Variants in EFNA2 observed in about 807,000 individuals in gnomAD.
EFNA2 encodes ephrin-A2.
EFNA2 carries 18 observed loss-of-function variants against 19.7 expected under a neutral mutation model. The observed-to-expected ratio is 0.91, with a 90% CI of 0.63 to 1.35. EFNA2 has a LOEUF of 1.35. EFNA2 is among the 40% of genes most tolerant of loss of function. The pLI is 0.00. For synonymous variants in EFNA2, 187 were observed against 137.8 expected (o/e 1.36, Z -2.50); for missense variants, 303 against 296.0 (o/e 1.02, Z -0.17).
chr19:1,289,421 A>G (rs1463106901), intron 1 of EFNA2, among the ~76,000 whole-genome samples: 1 of 152,166 alleles, frequency 6.6e-6, no homozygotes, highest in Non-Finnish European at 1.5e-5. Flanking sequence ...AGGGCCTGCA[A>G]TGTGGGGGCA....
chr19:1,298,173 GAGGCAGAGATTTGAACCC>G (rs1362948117), intron 2 of EFNA2, among the ~76,000 whole-genome samples: 5 of 151,126 alleles, frequency 3.3e-5, no homozygotes, highest in Non-Finnish European at 5.9e-5. Flanking sequence ...CAGGCTCTCA[GAGGCAGAGATTTGAACCC>G]AGGTCAATCA....
intron 1 of EFNA2, among the ~76,000 whole-genome samples, chr19:1,290,203 C>T (rs1457467489): frequency 2.0e-5 from 3 of 152,082 alleles, no homozygotes; most frequent in Non-Finnish European, 4.4e-5. Context: ...GGTTAGTGTC[C>T]CCTCCCCAGA....
rs867764468 is a variant in EFNA2, at chr19:1,296,295, G to A, written c.454+437G>A. Among the ~76,000 whole-genome samples, 1 of 152,160 alleles carries A rather than the reference G, an allele frequency of 6.6e-6. No individual in the cohort carries two copies. The highest frequency in any genetic ancestry group is 2.4e-5 in the African/African-American group (1 of 41,442). On this transcript the variant is annotated intron_variant, in intron 2 of 3. Transcript: ENST00000215368. The surrounding 1 kb of genome is among the most constrained non-coding windows in gnomAD (Gnocchi z 4.4). ...GCCAGTAGACCTGGCTCAGCCCCCC[G>A]ATAGCGAGACCAGGGTGCCCGAGCC...
In EFNA2 at chr19:1,299,882, C is replaced by T. The variant is rs1301985507; in HGVS notation, c.579C>T (p.Ser193=). 18 of 1,604,430 alleles carry T rather than the reference C, an allele frequency of 1.1e-5. No homozygotes were observed. Among genetic ancestry groups the T allele is most frequent in the Non-Finnish European group, 1.5e-5 (18 of 1,178,034 alleles). Residue 193 remains serine, a synonymous_variant, in exon 4 of 4, where the codon AGC becomes AGT. Transcript: ENST00000215368. ...PIFTSNNSCS[S]PGGCRLFLST... Reference sequence around the variant, plus strand: ...TCACCAGCAATAACTCGTGTAGCAGCCCGGGCGGCTGCCGCCTCTTCCTCA... The same window carrying T: ...TCACCAGCAATAACTCGTGTAGCAGTCCGGGCGGCTGCCGCCTCTTCCTCA...
At position 1,287,759 on chromosome 19, in the gene EFNA2, G is replaced by A. The variant is rs369591841; in HGVS notation, c.140+1451G>A. Among the ~76,000 whole-genome samples, 2 of 152,274 alleles carry A rather than the reference G, an allele frequency of 1.3e-5. No homozygotes were observed. The highest frequency in any genetic ancestry group is 6.5e-5 in the Admixed American group (1 of 15,292). ...GGTTTGATTAAGGCTGTCGCTGGCC[G>A]TGCGGGGAGTCCAGCGGGCAGCGCT... On this transcript the variant is annotated intron_variant, in intron 1 of 3. Transcript: ENST00000215368. The surrounding 1 kb of genome is among the most constrained non-coding windows in gnomAD (Gnocchi z 6.2).
chr19:1,290,425 G>A (rs1391874116), intron 1 of EFNA2, among the ~76,000 whole-genome samples: 1 of 152,216 alleles, frequency 6.6e-6, no homozygotes, highest in Non-Finnish European at 1.5e-5. Context: ...GCGGGGGGCC[G>A]TGAACGCAGT....
rs1340157020 is a variant in EFNA2 at position 1,286,534 on chromosome 19, G to A, written c.140+226G>A. Among the ~76,000 whole-genome samples, 2 of 152,072 alleles carry A rather than the reference G, an allele frequency of 1.3e-5. No individual in the cohort carries two copies. Among genetic ancestry groups the A allele is most frequent in the East Asian group, 1.9e-4 (1 of 5,138 alleles). On this transcript the variant is annotated intron_variant, in intron 1 of 3. Transcript: ENST00000215368. This position sits in a 1 kb window ranked among gnomAD's most constrained non-coding sequence, Gnocchi z 5.6. ...CCCCGGGGCGCCCCATTGCCCTACG[G>A]ACTGTGGGGACTCGCGCCCCACATC...
Position 1,295,690 on chromosome 19 carries a change from G to C in EFNA2, c.286G>C (p.Gly96Arg), listed in dbSNP as rs1395923737. Residue 96 changes from glycine to arginine, a missense_variant, in exon 2 of 4, where the codon GGC becomes CGC. Transcript: ENST00000215368. This position sits in a 1 kb window ranked among gnomAD's most constrained non-coding sequence, Gnocchi z 5.8. The stretch of plus-strand genomic sequence containing the variant: ...GCACTACGTGCTGTACATGGTCAAC[G>C]GCGAGGGCCACGCCTCCTGCGACCA... The part of the protein sequence containing the change: ...MEHYVLYMVN[G>R]EGHASCDHRQ... The C allele has an allele frequency of 2.5e-6, 4 of 1,609,108 alleles. No homozygotes were observed. In the African/African-American group the frequency reaches 4.0e-5, roughly 16 times the overall value.
rs2081537351 is a variant in EFNA2, at chr19:1,300,465, C to T, written c.*520C>T. The stretch of plus-strand genomic sequence containing the variant: ...GGGGGAACACAGCCGCTCCCCTCTG[C>T]TCTGCACCCCACTCGTGGGGGAACA... On this transcript the variant is annotated 3_prime_UTR_variant, in exon 4 of 4. Transcript: ENST00000215368. 1.3e-5 allele frequency among the ~76,000 whole-genome samples: 2 copies of T among 149,998 alleles called. No homozygotes were observed. The highest frequency in any genetic ancestry group is 2.1e-4 in the South Asian group (1 of 4,696).
chr19:1,299,014 G>A (rs1231304949), intron 3 of EFNA2, among the ~76,000 whole-genome samples: 1 of 152,172 alleles, frequency 6.6e-6, no homozygotes, highest in Non-Finnish European at 1.5e-5. Flanking sequence ...GAGGCAGGTG[G>A]ATCACCTGAG....
chr19:1,286,306 CA>C lies in EFNA2; in HGVS notation c.139del (p.Arg47GlyfsTer17). On this transcript the variant is annotated frameshift_variant and splice_region_variant, in exon 1 of 4. Transcript: ENST00000215368. LOFTEE classifies it high-confidence loss of function. This position sits in a 1 kb window ranked among gnomAD's most constrained non-coding sequence, Gnocchi z 5.6. ...YAVYWNRSNP[R>X]FHAGAGDDGG... ...CCGTCTACTGGAACCGCAGCAACCC[CA>C]GGTGAGCGCGGCCGCGCGCGGGGGG... is the stretch of plus-strand genomic sequence containing the variant. 1 of 1,003,696 alleles carries C rather than the reference CA, an allele frequency of 1.0e-6. No individual in the cohort carries two copies. Among genetic ancestry groups the C allele is most frequent in the Non-Finnish European group, 1.2e-6 (1 of 841,654 alleles). The allele number at this position is 1,003,696 out of a possible 1,614,324, so 62.2% of individuals were successfully genotyped here.
upstream of EFNA2, among the ~76,000 whole-genome samples, chr19:1,285,208 GC>G (rs1288556912): frequency 2.0e-5 from 3 of 152,222 alleles, no homozygotes; most frequent in Non-Finnish European, 4.4e-5. The surrounding 1 kb of genome is among the most constrained non-coding windows in gnomAD (Gnocchi z 4.1). Flanking sequence ...CACAAGCTGT[GC>G]CCCCGGGCAG....
chr19:1,286,023 G>A lies in EFNA2; in HGVS notation c.-146G>A, dbSNP rs1335163843. The A allele has an allele frequency of 6.3e-6, 1 of 159,622 alleles. No individual in the cohort carries two copies. The highest frequency in any genetic ancestry group is 1.3e-5 in the Non-Finnish European group (1 of 78,586). 9.9% of individuals were successfully genotyped at this position (159,622 alleles called of 1,614,324 possible). A position where few individuals can be genotyped will look rare whatever the true frequency, so the allele number is the denominator to read the frequency against. On this transcript the variant is annotated 5_prime_UTR_variant, in exon 1 of 4. Coordinates refer to ENST00000215368, the MANE Select transcript of EFNA2 (RefSeq NM_001405.4). This position sits in a 1 kb window ranked among gnomAD's most constrained non-coding sequence, Gnocchi z 5.6. The stretch of plus-strand genomic sequence containing the variant: ...CCGAGGTCGCGCGCGCGGAGGCGGG[G>A]GCGGCCCGGGATCTCCAAGCGCCGC...
At position 1,296,238 on chromosome 19, in the gene EFNA2, C is replaced by T. The variant is rs1057226622; in HGVS notation, c.454+380C>T. Among the ~76,000 whole-genome samples, 12 of 152,160 alleles carry T rather than the reference C, an allele frequency of 7.9e-5. No homozygotes were observed. The highest frequency in any genetic ancestry group is 1.3e-4 in the Non-Finnish European group (9 of 68,030). On this transcript the variant is annotated intron_variant, in intron 2 of 3. Coordinates refer to ENST00000215368, the MANE Select transcript of EFNA2 (RefSeq NM_001405.4). This position sits in a 1 kb window ranked among gnomAD's most constrained non-coding sequence, Gnocchi z 4.4. ...GACTGAGGCTGCACTATTGTGATCT[C>T]GGGCCTCCAGCTCAGACCACTTGGT...
rs2081532474 is a variant in EFNA2 at position 1,299,877 on chromosome 19, A to C, written c.574A>C (p.Ser192Arg). The change falls in exon 4 of 4, where the codon AGC becomes CGC. Residue 192 changes from serine to arginine, a missense_variant. Transcript: ENST00000215368. ...EPIFTSNNSC[S>R]SPGGCRLFLS... is the part of the protein sequence containing the mutation. The stretch of plus-strand genomic sequence containing the variant: ...CATCTTCACCAGCAATAACTCGTGT[A>C]GCAGCCCGGGCGGCTGCCGCCTCTT... 1 of 1,604,582 alleles carries C rather than the reference A, an allele frequency of 6.2e-7. No homozygotes were observed. Among genetic ancestry groups the C allele is most frequent in the African/African-American group, 1.3e-5 (1 of 74,824 alleles).
intron 2 of EFNA2, 77 bp from the exon 3 acceptor site, chr19:1,298,474 G>A (rs2081525765): frequency 6.7e-7 from 1 of 1,487,658 alleles, no homozygotes; most frequent in East Asian, 2.4e-5. Flanking sequence ...CACCAAGGTG[G>A]GGAAGGGAGT....
Position 1,295,276 on chromosome 19 carries a change from C to T in EFNA2, c.141-269C>T, listed in dbSNP as rs1313504961. 6.6e-6 allele frequency among the ~76,000 whole-genome samples: 1 copy of T among 152,024 alleles called. No individual in the cohort carries two copies. The highest frequency in any genetic ancestry group is 6.5e-5 in the Admixed American group (1 of 15,280). On this transcript the variant is annotated intron_variant, in intron 1 of 3. Coordinates refer to ENST00000215368, the MANE Select transcript of EFNA2 (RefSeq NM_001405.4). This position sits in a 1 kb window ranked among gnomAD's most constrained non-coding sequence, Gnocchi z 5.8. ...GCACCTGTCCCCTGACCCGTCCCTC[C>T]CCGCTCACCCTGTCCCGTGCCCTGT...
Position 1,294,737 on chromosome 19 carries a change from C to A in EFNA2, c.141-808C>A, listed in dbSNP as rs960300154. 6.6e-6 allele frequency among the ~76,000 whole-genome samples: 1 copy of A among 151,758 alleles called. No individual in the cohort carries two copies. On this transcript the variant is annotated intron_variant, in intron 1 of 3. Coordinates refer to ENST00000215368, the MANE Select transcript of EFNA2 (RefSeq NM_001405.4). This position sits in a 1 kb window ranked among gnomAD's most constrained non-coding sequence, Gnocchi z 5.8. Reference sequence around the variant, plus strand: ...TGGAGGGATTCTTCACGCCAAGCTCCGTTCTCTTTGGGGAAACTGAGGCCA... The same window carrying A: ...TGGAGGGATTCTTCACGCCAAGCTCAGTTCTCTTTGGGGAAACTGAGGCCA...
intron 1 of EFNA2, among the ~76,000 whole-genome samples, chr19:1,291,626 G>A (rs1038303400): frequency 1.3e-5 from 2 of 152,150 alleles, no homozygotes; most frequent in East Asian, 1.9e-4. Flanking sequence ...GGGTGCAGGC[G>A]TCCACCTGCC....
Sources: allele counts gnomAD v4.1 joint callset (sites outside exome capture counted in the v4.1 genomes callset), GRCh38; gene constraint gnomAD v4.1.1; non-coding constraint Gnocchi (gnomAD v3.1); transcripts MANE v1.5; gene names NCBI Gene and HGNC (gene_info 2026-07-23, HGNC 2026-07-21).